The following BCR variants were observed in gnomAD, a reference collection of about 807,000 sequenced individuals.
BCR encodes the protein breakpoint cluster region protein.
In BCR, 58 loss-of-function variants were observed where a neutral mutation model predicts 138.6. That is an observed-to-expected ratio of 0.42 (90% confidence interval 0.34 to 0.52). The LOEUF (loss-of-function observed/expected upper bound fraction) is 0.52, where lower values mean the gene tolerates loss of function less well. Among genes scored for constraint, BCR ranks in the 20% least tolerant of loss-of-function variants. BCR has a pLI of 0.06. For synonymous variants in BCR, 786 were observed against 730.1 expected (o/e 1.08, Z -1.23); for missense variants, 1,599 against 1,727.2 (o/e 0.93, Z 1.32).
At chr22:23,205,766 A>T (rs946035699) in intron 1 of BCR, among the ~76,000 whole-genome samples, 2 of 151,702 alleles carry the variant, frequency 1.3e-5, no homozygotes, top group Non-Finnish European at 2.9e-5. Flanking sequence ...TACTTTGTGG[A>T]TACTTACATA....
intron 1 of BCR, among the ~76,000 whole-genome samples, chr22:23,205,332 T>G (rs1471719150): frequency 6.6e-6 from 1 of 152,200 alleles, no homozygotes; most frequent in Non-Finnish European, 1.5e-5. Flanking sequence ...TTCAGAATAT[T>G]GCATTTGGTG....
At chr22:23,210,357 C>T (rs913956769) in intron 1 of BCR, among the ~76,000 whole-genome samples, 7 of 149,832 alleles carry the variant, frequency 4.7e-5, no homozygotes, top group African/African-American at 9.9e-5. Flanking sequence ...GTCGAGGTTG[C>T]GGTGAGCCAC....
In BCR at chr22:23,181,282, C is replaced by G. The variant is rs559545244; in HGVS notation, c.322C>G (p.Pro108Ala). ...QPAPADGADP[P>A]PAEEPEARPD... ...AGCGCCCGCCGACGGAGCCGACCCG[C>G]CGCCCGCCGAGGAGCCCGAGGCCCG... Residue 108 changes from proline (P) to alanine (A), a missense_variant, in exon 1 of 23, where the codon CCG becomes GCG. Physicochemically the swap from Pro to Ala is conservative, Grantham distance 27. Transcript: ENST00000305877. The G allele has an allele frequency of 4.0e-5, 52 of 1,297,942 alleles. 1 individual carries two copies. In the South Asian group the frequency reaches 1.1e-3, roughly 27 times the overall value. 80.4% of individuals were successfully genotyped at this position (1,297,942 alleles called of 1,614,324 possible). A position where few individuals can be genotyped will look rare whatever the true frequency, so the allele number is the denominator to read the frequency against.
At chr22:23,217,564 TA>T (rs1328337710) in intron 1 of BCR, among the ~76,000 whole-genome samples, 3 of 152,152 alleles carry the variant, frequency 2.0e-5, no homozygotes, top group Admixed American at 6.5e-5. Context: ...TATGTAGGAT[TA>T]GGGGGCATCG....
At chr22:23,213,629 C>G (rs1160220963) in intron 1 of BCR, among the ~76,000 whole-genome samples, 1 of 152,102 alleles carries the variant, frequency 6.6e-6, no homozygotes, top group African/African-American at 2.4e-5. Context: ...TTGAGACCAG[C>G]CTGGGCAAGA....
intron 4 of BCR, chr22:23,263,245 T>A (rs1297054875): frequency 5.7e-6 from 6 of 1,054,348 alleles, no homozygotes; most frequent in Non-Finnish European, 8.3e-6. Context: ...CTGCTGCACA[T>A]GTGCTCCTAC....
intron 1 of BCR, among the ~76,000 whole-genome samples, chr22:23,193,954 GC>G (rs1392732488): frequency 6.6e-6 from 1 of 152,184 alleles, no homozygotes; most frequent in African/African-American, 2.4e-5. Context: ...ATTGGCGTGA[GC>G]CCAGGGGTGC....
chr22:23,314,524 C>A (rs771696530), intron 21 of BCR, 28 bp from the exon 22 acceptor site: 1 of 1,611,662 alleles, frequency 6.2e-7, no homozygotes. Flanking sequence ...GGCGTTGAAA[C>A]AGCACCCGCT....
intron 2 of BCR, among the ~76,000 whole-genome samples, chr22:23,256,640 CT>C (rs1277562108): frequency 6.6e-6 from 1 of 152,138 alleles, no homozygotes; most frequent in African/African-American, 2.4e-5. Context: ...CAGCCTGCCC[CT>C]CGCAGTAAGG....
intron 15 of BCR, among the ~76,000 whole-genome samples, chr22:23,294,152 C>T (rs2267024): frequency 0.33 from 50,881 of 152,050 alleles, 9,051 homozygotes; most frequent in African/African-American, 0.45. Context: ...TACCTCCTGC[C>T]CCCCATCTCA....
Position 23,284,212 on chromosome 22 carries a change from C to T in BCR, c.2237+114C>T. ...TGATGTAGCTCGTTACATTCCGTTT[C>T]TACTTGGGCACAATGCCAGGCTCCA... On this transcript the variant is annotated intron_variant, in intron 9 of 22. Transcript: ENST00000305877. The T allele has an allele frequency of 3.5e-6, 5 of 1,439,630 alleles. No individual in the cohort carries two copies. In the South Asian group the frequency reaches 3.9e-5, roughly 11 times the overall value. 89.2% of individuals were successfully genotyped at this position (1,439,630 alleles called of 1,614,324 possible).
chr22:23,224,667 A>G (rs1254800808), intron 1 of BCR, among the ~76,000 whole-genome samples: 3 of 152,158 alleles, frequency 2.0e-5, no homozygotes, highest in Non-Finnish European at 4.4e-5. Flanking sequence ...GGATCACTTG[A>G]GGTCAGGAGT....
Position 23,247,355 on chromosome 22 carries a change from G to A in BCR, c.1280-6444G>A, listed in dbSNP as rs1271254881. On this transcript the variant is annotated intron_variant, in intron 1 of 22. Coordinates refer to ENST00000305877, the MANE Select transcript of BCR (RefSeq NM_004327.4). ...TTGGCTGCCAGTGTAAACAAGGATG[G>A]AGACCACTCTGCTGATGATCTCTGT... Among the ~76,000 whole-genome samples, 3 of 152,216 alleles carry A rather than the reference G, an allele frequency of 2.0e-5. No homozygotes were observed. In the East Asian group the frequency reaches 5.8e-4, roughly 29 times the overall value.
chr22:23,284,947 C>G, intron 9 of BCR, 86 bp from the exon 10 acceptor site: 1 of 1,459,342 alleles, frequency 6.9e-7, no homozygotes, highest in East Asian at 2.3e-5. Flanking sequence ...TGGCCGAGAA[C>G]ACTGGCTCTT....
At chr22:23,241,020 T>C (rs907414137) in intron 1 of BCR, among the ~76,000 whole-genome samples, 22 of 152,240 alleles carry the variant, frequency 1.4e-4, no homozygotes, top group African/African-American at 5.3e-4. Context: ...TCCTTCCTTT[T>C]TGAGGCTGAA....
At chr22:23,230,317 A>G (rs983903834) in intron 1 of BCR, among the ~76,000 whole-genome samples, 2 of 152,200 alleles carry the variant, frequency 1.3e-5, no homozygotes, top group African/African-American at 4.8e-5. Context: ...GGAAGTTCCA[A>G]CTTCTACATT....
intron 8 of BCR, among the ~76,000 whole-genome samples, chr22:23,275,638 C>G (rs2073567230): frequency 6.6e-6 from 1 of 152,212 alleles, no homozygotes; most frequent in African/African-American, 2.4e-5. Context: ...TTCCCTGGCT[C>G]AGGGCCCCAG....
chr22:23,191,238 A>G (rs1268546536), intron 1 of BCR, among the ~76,000 whole-genome samples: 1 of 152,210 alleles, frequency 6.6e-6, no homozygotes, highest in Admixed American at 6.5e-5. Context: ...ACACAGCCTG[A>G]ATGTATTATT....
intron 1 of BCR, chr22:23,216,960 G>C (rs535040149): frequency 2.4e-6 from 1 of 409,154 alleles, no homozygotes; most frequent in Non-Finnish European, 4.9e-6. Flanking sequence ...ACAGTGTGTC[G>C]CAAGTCTTGC....
Sources: gnomAD v4.1 joint callset for allele counts (sites outside exome capture counted in the v4.1 genomes callset) on GRCh38, gnomAD v4.1.1 for gene constraint, MANE v1.5 for transcripts, NCBI Gene and HGNC (gene_info 2026-07-23, HGNC 2026-07-21) for gene names.